Variants in SCFD1 observed in about 807,000 individuals in gnomAD.
The protein encoded by SCFD1 is sec1 family domain containing 1, also known as sec1 family domain-containing protein 1.
A neutral mutation model predicts 103.2 loss-of-function variants in SCFD1; 37 were observed. That is an observed-to-expected ratio of 0.36 (90% CI 0.28 to 0.47). SCFD1 has a LOEUF of 0.47. Ranked by LOEUF, SCFD1 falls within the 20% of genes least tolerant of loss-of-function variation. The probability of loss-of-function intolerance (pLI) is 1.00; values close to 1 mark genes in which losing one functional copy is unlikely to be tolerated. For missense variants in SCFD1, 639 were observed against 761.2 expected (o/e 0.84, Z 1.89); for synonymous variants, 264 against 245.0 (o/e 1.08, Z -0.73).
chr14:30,681,852 T>C (rs990782721), intron 14 of SCFD1, among the ~76,000 whole-genome samples: 14 of 152,158 alleles, frequency 9.2e-5, no homozygotes, highest in Admixed American at 6.6e-4. Flanking sequence ...CATGTGACTG[T>C]TTCGTATAGC....
intron 14 of SCFD1, among the ~76,000 whole-genome samples, chr14:30,690,842 A>T (rs1890243304): frequency 6.6e-6 from 1 of 152,160 alleles, no homozygotes; most frequent in African/African-American, 2.4e-5. Context: ...TCGCCCACTT[A>T]TTCTTAATAT....
intron 5 of SCFD1, 117 bp from the exon 6 acceptor site, chr14:30,639,660 T>G: frequency 9.3e-7 from 1 of 1,074,794 alleles, no homozygotes; most frequent in Non-Finnish European, 1.2e-6. Flanking sequence ...TTTTAGTTAT[T>G]GAATGTAATT....
At position 30,639,846 on chromosome 14, in the gene SCFD1, G is replaced by C. The variant is rs200331645; in HGVS notation, c.505G>C (p.Glu169Gln). ...DMFVLCNQNK[E>Q]LVSYRAINRP... is the part of the protein sequence containing the mutation. ...GTTTGTATTATGTAATCAAAATAAG[G>C]AGCTTGTTTCATATCGTGGTATGTA... Residue 169 changes from glutamate (E) to glutamine (Q), a missense_variant, in exon 6 of 25, where the codon GAG becomes CAG. Glu to Gln is a conservative substitution (Grantham distance 29). Transcript: ENST00000458591. The C allele has an allele frequency of 3.2e-5, 50 of 1,583,654 alleles. No individual in the cohort carries two copies. In the East Asian group the frequency reaches 1.1e-3, roughly 36 times the overall value.
chr14:30,695,746 T>A (rs1307520246), intron 15 of SCFD1, among the ~76,000 whole-genome samples: 1 of 151,834 alleles, frequency 6.6e-6, no homozygotes, highest in African/African-American at 2.4e-5. Context: ...GTGGCATGCA[T>A]CTGTAGTCCC....
intron 10 of SCFD1, among the ~76,000 whole-genome samples, chr14:30,655,000 T>C (rs993182135): frequency 6.6e-6 from 1 of 152,220 alleles, no homozygotes; most frequent in African/African-American, 2.4e-5. Flanking sequence ...GCCTACTCTT[T>C]AACACACTTT....
rs61754285 is a variant in SCFD1 at position 30,694,827 on chromosome 14, A to G, written c.1297A>G (p.Thr433Ala). The G allele has an allele frequency of 0.017, 27,547 of 1,582,258 alleles. 303 individuals are homozygous for G. The highest frequency in any genetic ancestry group is 0.021 in the Non-Finnish European group (24,099 of 1,170,494). The change falls in exon 15 of 25, where the codon ACT (threonine) becomes GCT (alanine). Residue 433 changes from threonine (T) to alanine (A), a missense_variant. Thr to Ala is a moderately conservative substitution (Grantham distance 58, BLOSUM62 0). Coordinates refer to ENST00000458591, the MANE Select transcript of SCFD1 (RefSeq NM_016106.4). ...EYEEKIMSKT[T>A]LDKSLLDIIS... ...TGAAGAAAAAATAATGAGCAAAACTACTCTGGATAAATCTCTTCTAGATAT... is the reference window on the plus strand; with the variant it reads ...TGAAGAAAAAATAATGAGCAAAACTGCTCTGGATAAATCTCTTCTAGATAT...
chr14:30,716,629 C>G (rs1319318761), intron 20 of SCFD1, among the ~76,000 whole-genome samples: 1 of 152,156 alleles, frequency 6.6e-6, no homozygotes, highest in Non-Finnish European at 1.5e-5. Flanking sequence ...CAAAAACAGG[C>G]AGCATGAGCC....
At chr14:30,718,159 A>G (rs1330419777) in intron 20 of SCFD1, among the ~76,000 whole-genome samples, 1 of 152,220 alleles carries the variant, frequency 6.6e-6, no homozygotes. Context: ...AACATAAGTC[A>G]TCTTAACAGT....
At chr14:30,735,111 C>A in intron 24 of SCFD1, 1 of 388,640 alleles carries the variant, frequency 2.6e-6, no homozygotes, top group Non-Finnish European at 4.6e-6. Flanking sequence ...TTTAGAAATA[C>A]AAAAATATAT....
chr14:30,699,707 T>G (rs1231004390), intron 15 of SCFD1, among the ~76,000 whole-genome samples: 6 of 152,170 alleles, frequency 3.9e-5, no homozygotes, highest in Non-Finnish European at 8.8e-5. Flanking sequence ...GGCTTTAGGC[T>G]CAGCTAGATG....
intron 10 of SCFD1, chr14:30,670,013 A>G (rs1888392139): frequency 5.9e-6 from 2 of 339,680 alleles, no homozygotes; most frequent in Admixed American, 1.0e-4. Flanking sequence ...ATGTTTTTCT[A>G]GAAGGATACA....
At chr14:30,708,511 CT>C (rs1379777056) in intron 19 of SCFD1, among the ~76,000 whole-genome samples, 12 of 138,566 alleles carry the variant, frequency 8.7e-5, no homozygotes, top group African/African-American at 3.7e-4. Flanking sequence ...GCTCAGAGCT[CT>C]GTAATTTTAT....
intron 6 of SCFD1, 36 bp from the exon 7 acceptor site, chr14:30,643,280 G>C: frequency 7.8e-7 from 1 of 1,280,818 alleles, no homozygotes; most frequent in Middle Eastern, 1.8e-4. Context: ...GCATAAGTTT[G>C]GGTCAACTTT....
At chr14:30,658,631 G>A (rs1193219373) in intron 10 of SCFD1, among the ~76,000 whole-genome samples, 2 of 152,156 alleles carry the variant, frequency 1.3e-5, no homozygotes, top group Admixed American at 1.3e-4. Flanking sequence ...GACCTCAGGT[G>A]ATCCACCTGC....
chr14:30,715,140 C>A (rs1892183888), intron 19 of SCFD1, among the ~76,000 whole-genome samples: 1 of 152,108 alleles, frequency 6.6e-6, no homozygotes, highest in Non-Finnish European at 1.5e-5. Context: ...ATCCATATAC[C>A]CATTTTCCTA....
At chr14:30,675,900 A>G (rs965619054) in intron 14 of SCFD1, among the ~76,000 whole-genome samples, 8 of 152,240 alleles carry the variant, frequency 5.3e-5, no homozygotes, top group Non-Finnish European at 1.5e-5. Flanking sequence ...GGCAGCATGC[A>G]GTTTAAACCT....
chr14:30,734,671 G>A (rs1483686349), intron 23 of SCFD1, 119 bp from the exon 24 acceptor site: 1 of 761,378 alleles, frequency 1.3e-6, no homozygotes, highest in East Asian at 2.6e-5. Flanking sequence ...AAATCCAACA[G>A]TATCCCAAAG....
chr14:30,673,997 GGTAA>G lies in SCFD1; in HGVS notation c.1160+3_1160+6del. The G allele has an allele frequency of 2.5e-6, 4 of 1,610,968 alleles. No individual in the cohort carries two copies. Among genetic ancestry groups the G allele is most frequent in the Non-Finnish European group, 3.4e-6 (4 of 1,177,412 alleles). ...ACCGCTAAGCTAACATCAGCTGTTA[GGTAA>G]GTGAGCAGTATATCCTCTTTGAAGT... On this transcript the variant is annotated splice_donor_variant and splice_donor_region_variant and intron_variant, in intron 13 of 24. Coordinates refer to ENST00000458591, the MANE Select transcript of SCFD1 (RefSeq NM_016106.4). LOFTEE classifies it high-confidence loss of function.
intron 10 of SCFD1, among the ~76,000 whole-genome samples, chr14:30,654,952 G>A (rs1020869310): frequency 6.6e-6 from 1 of 152,170 alleles, no homozygotes; most frequent in Non-Finnish European, 1.5e-5. Flanking sequence ...CAAGTAAGAG[G>A]TGGGAGAGGA....
Sources: allele counts gnomAD v4.1 joint callset (sites outside exome capture counted in the v4.1 genomes callset), GRCh38; gene constraint gnomAD v4.1.1; transcripts MANE v1.5; gene names NCBI Gene and HGNC (gene_info 2026-07-23, HGNC 2026-07-21).